The following COMMD9 variants were observed in gnomAD, a reference collection of about 807,000 sequenced individuals.
COMMD9 encodes the protein COMM domain containing 9.
A neutral mutation model predicts 23.4 loss-of-function variants in COMMD9; 22 were observed. That is an observed-to-expected ratio of 0.94 (90% confidence interval 0.67 to 1.34). The LOEUF is 1.34. Ranked by LOEUF, COMMD9 falls within the 40% of genes most tolerant of loss-of-function variation. The pLI is 0.00. For synonymous variants in COMMD9, 99 were observed against 97.4 expected (o/e 1.02, Z -0.10); for missense variants, 231 against 240.2 (o/e 0.96, Z 0.25).
In COMMD9 at chr11:36,286,410, A is replaced by AAAG. The variant is rs1554981007; in HGVS notation, c.51+2951_51+2952insCTT. Among the ~76,000 whole-genome samples, 977 of 104,720 alleles carry AAAG rather than the reference A, an allele frequency of 9.3e-3. 18 individuals carry two copies. The highest frequency in any genetic ancestry group is 0.036 in the African/African-American group (924 of 25,546). The allele number at this position is 104,720 out of a possible 152,430, so 68.7% of individuals were successfully genotyped here. A position where few individuals can be genotyped will look rare whatever the true frequency, so the allele number is the denominator to read the frequency against. On this transcript the variant is annotated intron_variant, in intron 1 of 5. Coordinates refer to ENST00000263401, the MANE Select transcript of COMMD9 (RefSeq NM_014186.4). ...ACTAAAAATACAAAAAAAAAAAAAA[A>AAAG]AAAGAAAGAAAGAAAGAAAGAAAGA...
chr11:36,282,927 G>A (rs1274391603), intron 1 of COMMD9, among the ~76,000 whole-genome samples: 1 of 152,230 alleles, frequency 6.6e-6, no homozygotes, highest in African/African-American at 2.4e-5. Context: ...AAAAGACTGA[G>A]AGCCACTGGG....
chr11:36,275,753 C>A (rs1855959891), intron 5 of COMMD9, among the ~76,000 whole-genome samples: 1 of 152,156 alleles, frequency 6.6e-6, no homozygotes, highest in Non-Finnish European at 1.5e-5. Context: ...CTAGTAGAAA[C>A]TCTTGAGCAG....
At chr11:36,275,266 G>T (rs891681547) in intron 5 of COMMD9, among the ~76,000 whole-genome samples, 2 of 152,128 alleles carry the variant, frequency 1.3e-5, no homozygotes, top group Non-Finnish European at 2.9e-5. Flanking sequence ...AACTTTCTGG[G>T]TGTCTGGTTA....
Position 36,274,752 on chromosome 11 carries a change from T to A in COMMD9, c.477A>T (p.Leu159=). 1 of 1,614,276 alleles carries A rather than the reference T, an allele frequency of 6.2e-7. No individual in the cohort carries two copies. The highest frequency in any genetic ancestry group is 8.5e-7 in the Non-Finnish European group (1 of 1,180,046). The change falls in exon 6 of 6, where the codon CTA becomes CTT. Residue 159 remains leucine (L), a synonymous_variant. Transcript: ENST00000263401. The part of the protein sequence containing the change: ...LQMKIQEDPS[L]CGDKPSISAV... The stretch of plus-strand genomic sequence containing the variant: ...CTGAGATGGAGGGTTTGTCTCCGCA[T>A]AGGCTGGGATCTTCTTGGATCTGAA...
intron 1 of COMMD9, among the ~76,000 whole-genome samples, chr11:36,283,227 C>T (rs150056099): frequency 1.4e-4 from 21 of 152,278 alleles, no homozygotes; most frequent in African/African-American, 4.3e-4. Flanking sequence ...TCTAGGCATC[C>T]CTCAATCAAG....
Position 36,278,506 on chromosome 11 carries a change from G to A in COMMD9, c.288C>T (p.Asn96=), listed in dbSNP as rs1241778248. Residue 96 remains asparagine (N), a synonymous_variant, in exon 3 of 6, where the codon AAC becomes AAT. Coordinates refer to ENST00000263401, the MANE Select transcript of COMMD9 (RefSeq NM_014186.4). ...FPENFHQNLK[N]LLTKIILEHV... ...GTTCTAGGATGATCTTTGTCAGCAG[G>A]TTTTTGAGGTTTTGGTGGAAATTTT... is the stretch of plus-strand genomic sequence containing the variant. The A allele has an allele frequency of 8.7e-6, 14 of 1,613,912 alleles. No homozygotes were observed. Among genetic ancestry groups the A allele is most frequent in the African/African-American group, 1.3e-5 (1 of 74,926 alleles).
chr11:36,274,812 T>C lies in COMMD9; in HGVS notation c.457-40A>G, dbSNP rs768916690. On this transcript the variant is annotated intron_variant, in intron 5 of 5. Transcript: ENST00000263401. ...CAGCCCAGAAAGTCAAAGCTGCCTC[T>C]TTTCCCATATCCCTGTAAGTGAGCC... 8.1e-6 allele frequency: 13 copies of C among 1,611,146 alleles called. No individual in the cohort carries two copies. In the African/African-American group the frequency reaches 1.7e-4, roughly 22 times the overall value.
chr11:36,280,982 T>C (rs1260733936), intron 1 of COMMD9, 145 bp from the exon 2 acceptor site: 1 of 855,684 alleles, frequency 1.2e-6, no homozygotes, highest in East Asian at 2.9e-5. Flanking sequence ...GAAGATCAAA[T>C]AGATGTACTT....
intron 2 of COMMD9, 151 bp from the exon 3 acceptor site, chr11:36,278,767 T>G: frequency 1.4e-6 from 1 of 721,102 alleles, no homozygotes; most frequent in South Asian, 2.2e-5. Context: ...CTGTGGCACA[T>G]GCTCATGCCC....
At position 36,273,076 on chromosome 11, in the gene COMMD9, T is replaced by C. The variant is rs1855904516; in HGVS notation, c.*1556A>G. 1 of 152,190 alleles carries C rather than the reference T, an allele frequency of 6.6e-6. No homozygotes were observed. The highest frequency in any genetic ancestry group is 2.1e-4 in the South Asian group (1 of 4,824). The allele number at this position is 152,190 out of a possible 1,614,324, so 9.4% of individuals were successfully genotyped here. ...TATCATTTAATTTTCACAAAAGTCCTATCAAGTAGGTACTACTATTATACT... is the reference window on the plus strand; with the variant it reads ...TATCATTTAATTTTCACAAAAGTCCCATCAAGTAGGTACTACTATTATACT... On this transcript the variant is annotated 3_prime_UTR_variant, in exon 6 of 6. Coordinates refer to ENST00000263401, the MANE Select transcript of COMMD9 (RefSeq NM_014186.4).
chr11:36,285,356 T>C (rs1856133813), intron 1 of COMMD9, among the ~76,000 whole-genome samples: 1 of 152,096 alleles, frequency 6.6e-6, no homozygotes. Flanking sequence ...GAAAATTAAA[T>C]TCACAATTTT....
In COMMD9 at chr11:36,278,573, C is replaced by T. The variant is rs772866028; in HGVS notation, c.221G>A (p.Arg74His). ...LHRLTRLVAF[R>H]DLSSAEAILA... The stretch of plus-strand genomic sequence containing the variant: ...AATTGCCTCGGCAGAGGACAGGTCA[C>T]GGAATGCCACCAGCCTAGTGAGGCG... Residue 74 changes from arginine (R) to histidine (H), a missense_variant, in exon 3 of 6, where the codon CGT becomes CAT. By Grantham distance (29) the Arg-to-His change is conservative. Transcript: ENST00000263401. 71 of 1,614,026 alleles carry T rather than the reference C, an allele frequency of 4.4e-5. No homozygotes were observed. The highest frequency in any genetic ancestry group is 2.0e-4 in the Admixed American group (12 of 59,986).
Position 36,289,419 on chromosome 11 carries a change from G to T in COMMD9, c.-7C>A, listed in dbSNP as rs1480045622. The T allele has an allele frequency of 7.7e-6, 12 of 1,551,680 alleles. No homozygotes were observed. The highest frequency in any genetic ancestry group is 1.4e-5 in the African/African-American group (1 of 73,056). ...CCGCTGTCAGGGCAGCCATCTTGCC[G>T]AAGTCACATGACCGTGGCACCCAGG... is the stretch of plus-strand genomic sequence containing the variant. On this transcript the variant is annotated 5_prime_UTR_variant, in exon 1 of 6. Transcript: ENST00000263401.
intron 3 of COMMD9, among the ~76,000 whole-genome samples, chr11:36,277,624 GTCTGT>G (rs1236831008): frequency 2.0e-5 from 3 of 152,120 alleles, no homozygotes; most frequent in Non-Finnish European, 4.4e-5. Flanking sequence ...TATTAGAGAG[GTCTGT>G]TCAAGCCTTC....
intron 2 of COMMD9, among the ~76,000 whole-genome samples, chr11:36,279,027 A>G (rs748426562): frequency 2.6e-5 from 4 of 152,144 alleles, no homozygotes; most frequent in African/African-American, 7.2e-5. Context: ...CTCTGGACTG[A>G]GAGGACTGCA....
Position 36,276,182 on chromosome 11 carries a change from G to C in COMMD9, c.411C>G (p.Asp137Glu). Reference protein sequence around the residue: ...DWRVDIKTSSDSISRMAVPTC... With the variant: ...DWRVDIKTSSESISRMAVPTC... ...TGGGGACGGCCATGCGGCTGATGCT[G>C]TCTGAGGAGGTTTTGATATCCACTC... The change falls in exon 5 of 6, where the codon GAC (aspartate) becomes GAG (glutamate). Residue 137 changes from aspartate (D) to glutamate (E), a missense_variant. Coordinates refer to ENST00000263401, the MANE Select transcript of COMMD9 (RefSeq NM_014186.4). 6.2e-7 allele frequency: 1 copy of C among 1,614,176 alleles called. No individual in the cohort carries two copies. The highest frequency in any genetic ancestry group is 8.5e-7 in the Non-Finnish European group (1 of 1,180,006).
Position 36,274,197 on chromosome 11 carries a change from A to G in COMMD9, c.*435T>C, listed in dbSNP as rs929961067. 4.4e-6 allele frequency: 2 copies of G among 451,356 alleles called. No homozygotes were observed. Among genetic ancestry groups the G allele is most frequent in the Non-Finnish European group, 8.9e-6 (2 of 223,528 alleles). 28.0% of individuals were successfully genotyped at this position (451,356 alleles called of 1,614,324 possible). A position where few individuals can be genotyped will look rare whatever the true frequency, so the allele number is the denominator to read the frequency against. On this transcript the variant is annotated 3_prime_UTR_variant, in exon 6 of 6. Transcript: ENST00000263401. ...TGACAGAGGAGCAGGAACTGCTGGC[A>G]TCACCTGTCCGATTCCCTCCATGTG...
chr11:36,278,619 GC>G lies in COMMD9; in HGVS notation c.178-4del, dbSNP rs571870833. The G allele has an allele frequency of 1.5e-5, 25 of 1,612,976 alleles. No homozygotes were observed. The African/African-American group carries it at 3.2e-4, about 21-fold the overall frequency. On this transcript the variant is annotated splice_polypyrimidine_tract_variant and splice_region_variant and intron_variant, in intron 2 of 5. Coordinates refer to ENST00000263401, the MANE Select transcript of COMMD9 (RefSeq NM_014186.4). ...AGGCGGTGCAGAGCCTGGAGCAGCTGCAAGATAAACGGAACCACCTGTAGCT... is the reference window on the plus strand; with the variant it reads ...AGGCGGTGCAGAGCCTGGAGCAGCTGAAGATAAACGGAACCACCTGTAGCT...
intron 1 of COMMD9, among the ~76,000 whole-genome samples, chr11:36,286,408 AAAAAAGAAAGAAAGAAAG>A (rs1354366559): frequency 0.053 from 4,553 of 86,150 alleles, 109 homozygotes; most frequent in East Asian, 0.16. Context: ...AAAAAAAAAA[AAAAAAGAAAGAAAGAAAG>A]AAAGAAAGAA....
Sources: gnomAD v4.1 joint callset for allele counts (sites outside exome capture counted in the v4.1 genomes callset) on GRCh38, gnomAD v4.1.1 for gene constraint, MANE v1.5 for transcripts, NCBI Gene and HGNC (gene_info 2026-07-23, HGNC 2026-07-21) for gene names.